The following ORC4 variants were observed in gnomAD, a reference collection of about 807,000 sequenced individuals.
The protein encoded by ORC4 is origin recognition complex subunit 4.
A neutral mutation model predicts 63.9 loss-of-function variants in ORC4; 55 were observed. That is an observed-to-expected ratio of 0.86 (90% CI 0.69 to 1.08). The LOEUF is 1.08. ORC4 is among the 50% of genes least tolerant of loss of function. The pLI is 0.00. For synonymous variants in ORC4, 150 were observed against 168.5 expected, an observed-to-expected ratio of 0.89 and a Z score of 0.85; for missense variants, 511 against 504.4, an observed-to-expected ratio of 1.01 and a Z score of -0.13.
At chr2:147,961,368 C>T (rs1689578711) in intron 4 of ORC4, among the ~76,000 whole-genome samples, 1 of 150,250 alleles carries the variant, frequency 6.7e-6, no homozygotes, top group African/African-American at 2.5e-5. Context: ...GCCCGCGAGG[C>T]AGAGGTTGCA....
intron 7 of ORC4, among the ~76,000 whole-genome samples, chr2:147,954,605 T>G (rs1689142954): frequency 6.6e-6 from 1 of 152,170 alleles, no homozygotes; most frequent in Non-Finnish European, 1.5e-5. Context: ...AAGGTTGTTA[T>G]GTGGCACATG....
At chr2:147,981,410 A>T (rs2105370477) in intron 1 of ORC4, among the ~76,000 whole-genome samples, 1 of 152,354 alleles carries the variant, frequency 6.6e-6, no homozygotes, top group Middle Eastern at 3.4e-3. Flanking sequence ...TTTAAAACTC[A>T]TGAATTATTT....
rs530969902 is a variant in ORC4, at chr2:147,952,908, C to G, written c.437-384G>C. Among the ~76,000 whole-genome samples the G allele has an allele frequency of 5.3e-5, 8 of 152,170 alleles. No homozygotes were observed. The South Asian group carries it at 1.4e-3, about 28-fold the overall frequency. ...AGGTGTGGTGGCGCATGCCTGTAAT[C>G]CCAGCTACTCGGGAGGCTGAGGCAG... is the stretch of plus-strand genomic sequence containing the variant. On this transcript the variant is annotated intron_variant, in intron 7 of 13. Transcript: ENST00000392857.
intron 4 of ORC4, among the ~76,000 whole-genome samples, chr2:147,971,243 TAAATG>T (rs1227643716): frequency 6.6e-6 from 1 of 151,788 alleles, no homozygotes; most frequent in Admixed American, 6.6e-5. Flanking sequence ...AATAAATAAA[TAAATG>T]AAATCTTCTG....
At chr2:147,956,037 T>C (rs762107050) in intron 6 of ORC4, among the ~76,000 whole-genome samples, 2 of 152,058 alleles carry the variant, frequency 1.3e-5, no homozygotes, top group African/African-American at 2.4e-5. Flanking sequence ...GTGTAGTAGA[T>C]GCATTATCCA....
At chr2:147,988,792 CAA>C (rs5835178) in intron 1 of ORC4, among the ~76,000 whole-genome samples, 116 of 143,044 alleles carry the variant, frequency 8.1e-4, no homozygotes, top group Admixed American at 1.1e-3. Flanking sequence ...AAACAAAAAG[CAA>C]AAAAAAAAAA....
chr2:148,005,976 C>T (rs1038948223), intron 1 of ORC4, among the ~76,000 whole-genome samples: 3 of 152,060 alleles, frequency 2.0e-5, no homozygotes, highest in African/African-American at 7.2e-5. Flanking sequence ...GAGACCCTGC[C>T]TCAAAACAAA....
chr2:148,011,004 T>C (rs142317782), intron 1 of ORC4, among the ~76,000 whole-genome samples: 519 of 152,156 alleles, frequency 3.4e-3, no homozygotes, highest in East Asian at 8.3e-3. Flanking sequence ...AATTTTTGTA[T>C]TTTTTGTAGA....
At chr2:147,958,616 C>T (rs987334549) in intron 5 of ORC4, 175 bp downstream of exon 5, 23 of 568,120 alleles carry the variant, frequency 4.0e-5, no homozygotes, top group South Asian at 8.0e-5. Flanking sequence ...AGTCCTTCTG[C>T]GACTCCTTCA....
At chr2:147,997,261 A>T (rs547067565) in intron 1 of ORC4, among the ~76,000 whole-genome samples, 1 of 152,308 alleles carries the variant, frequency 6.6e-6, no homozygotes, top group African/African-American at 2.4e-5. Context: ...TCAAGAAAAG[A>T]GAAGTATGGA....
At position 147,992,442 on chromosome 2, in the gene ORC4, G is replaced by A. The variant is rs559203579; in HGVS notation, c.-17-16467C>T. ...TGACAAAAATATCATTTTTGTGAAG[G>A]ATGGTTGCATTATATGGGACACAAG... is the stretch of plus-strand genomic sequence containing the variant. On this transcript the variant is annotated intron_variant, in intron 1 of 13. Coordinates refer to ENST00000392857, the MANE Select transcript of ORC4 (RefSeq NM_181741.4). 3.3e-5 allele frequency among the ~76,000 whole-genome samples: 5 copies of A among 152,160 alleles called. No homozygotes were observed. The South Asian group carries it at 1.0e-3, about 32-fold the overall frequency.
intron 1 of ORC4, among the ~76,000 whole-genome samples, chr2:148,005,392 G>T (rs146541930): frequency 6.6e-6 from 1 of 151,918 alleles, no homozygotes; most frequent in East Asian, 1.9e-4. Context: ...TCACACACTG[G>T]GGCCTGCTGG....
At chr2:147,973,261 T>C (rs1341397446) in intron 3 of ORC4, among the ~76,000 whole-genome samples, 187 bp downstream of exon 3, 2 of 152,196 alleles carry the variant, frequency 1.3e-5, no homozygotes, top group Non-Finnish European at 2.9e-5. Flanking sequence ...GCTATTGCAT[T>C]ATGGAAATAT....
In ORC4 at chr2:147,969,885, T is replaced by C. The variant is rs868416737; in HGVS notation, c.225+2854A>G. On this transcript the variant is annotated intron_variant, in intron 4 of 13. Coordinates refer to ENST00000392857, the MANE Select transcript of ORC4 (RefSeq NM_181741.4). ...TAATGCAATAAAAGAAGAAAAGGAA[T>C]AGAAGTATGGAGATAGGGAAGGAAT... Among the ~76,000 whole-genome samples the C allele has an allele frequency of 1.4e-4, 22 of 152,014 alleles. No individual in the cohort carries two copies. The Middle Eastern group carries it at 0.031, about 212-fold the overall frequency.
chr2:147,962,058 G>A lies in ORC4; in HGVS notation c.226-3192C>T, dbSNP rs1342705579. ...AAGGGAGAGTACTGGAGTGCAGCAGGGAAGGGGAAATGTGTAGTGACTGAA... is the reference window on the plus strand; with the variant it reads ...AAGGGAGAGTACTGGAGTGCAGCAGAGAAGGGGAAATGTGTAGTGACTGAA... On this transcript the variant is annotated intron_variant, in intron 4 of 13. Transcript: ENST00000392857. Among the ~76,000 whole-genome samples, 7 of 152,242 alleles carry A rather than the reference G, an allele frequency of 4.6e-5. No individual in the cohort carries two copies. In the East Asian group the frequency reaches 1.4e-3, roughly 29 times the overall value.
chr2:147,954,089 A>C (rs1457899642), intron 7 of ORC4, among the ~76,000 whole-genome samples: 1 of 151,598 alleles, frequency 6.6e-6, no homozygotes, highest in Non-Finnish European at 1.5e-5. Context: ...AGATGGATCA[A>C]TGAATGTTTT....
At chr2:147,980,461 G>A (rs984540714) in intron 1 of ORC4, among the ~76,000 whole-genome samples, 4 of 151,522 alleles carry the variant, frequency 2.6e-5, no homozygotes, top group African/African-American at 9.7e-5. Flanking sequence ...GGATACAGAG[G>A]GATGACTGTA....
At chr2:147,956,964 T>C (rs1689284107) in intron 6 of ORC4, among the ~76,000 whole-genome samples, 1 of 151,660 alleles carries the variant, frequency 6.6e-6, no homozygotes, top group African/African-American at 2.4e-5. Flanking sequence ...AACATCACAT[T>C]CTAAACAGGA....
intron 7 of ORC4, among the ~76,000 whole-genome samples, chr2:147,954,224 C>T (rs1048263022): frequency 1.3e-5 from 2 of 151,986 alleles, no homozygotes; most frequent in Non-Finnish European, 2.9e-5. Flanking sequence ...ACAAAAATTC[C>T]GATAAATAAG....
Sources: gnomAD v4.1 joint callset for allele counts (sites outside exome capture counted in the v4.1 genomes callset) on GRCh38, gnomAD v4.1.1 for gene constraint, MANE v1.5 for transcripts, NCBI Gene and HGNC (gene_info 2026-07-23, HGNC 2026-07-21) for gene names.